The following DISC1 variants were observed in gnomAD, a reference collection of about 807,000 sequenced individuals.
The protein encoded by DISC1 is disrupted in schizophrenia 1 protein.
In DISC1, 57 loss-of-function variants were observed where a neutral mutation model predicts 84.5. That is an observed-to-expected ratio of 0.67 (90% confidence interval 0.55 to 0.84). The LOEUF is 0.84. DISC1 is among the 40% of genes least tolerant of loss of function. The pLI, the probability that DISC1 is intolerant of heterozygous loss-of-function variation, is 0.00. For synonymous variants in DISC1, 411 were observed against 415.2 expected, an observed-to-expected ratio of 0.99 and a Z score of 0.12; for missense variants, 1,000 against 1,057.8, an observed-to-expected ratio of 0.95 and a Z score of 0.76.
At chr1:231,714,242 T>G (rs562457806) in intron 3 of DISC1, among the ~76,000 whole-genome samples, 1 of 152,094 alleles carries the variant, frequency 6.6e-6, no homozygotes, top group African/African-American at 2.4e-5. Context: ...TTGAAACATG[T>G]AAATAGAGTT....
chr1:231,716,009 T>A lies in DISC1; in HGVS notation c.1117+13985T>A, dbSNP rs572659805. ...GGCTTGTTCCTGGATAAACTAGGCATAATAATACCTATCCTGCTGTGTGGG... is the reference window on the plus strand; with the variant it reads ...GGCTTGTTCCTGGATAAACTAGGCAAAATAATACCTATCCTGCTGTGTGGG... On this transcript the variant is annotated intron_variant, in intron 3 of 12. Transcript: ENST00000439617. 8.5e-5 allele frequency among the ~76,000 whole-genome samples: 13 copies of A among 152,286 alleles called. No individual in the cohort carries two copies. The South Asian group carries it at 2.7e-3, about 32-fold the overall frequency.
intron 1 of DISC1, among the ~76,000 whole-genome samples, chr1:231,632,527 T>A (rs1181773155): frequency 2.6e-5 from 4 of 152,188 alleles, no homozygotes; most frequent in Non-Finnish European, 1.5e-5. Context: ...AAATCATATA[T>A]TTATTGTACA....
chr1:231,723,972 T>G, intron 3 of DISC1: 1 of 985,462 alleles, frequency 1.0e-6, no homozygotes, highest in Non-Finnish European at 1.2e-6. Context: ...GGAAGGAAAC[T>G]CACCATGACC....
At chr1:231,900,946 G>C (rs1055751048) in intron 9 of DISC1, among the ~76,000 whole-genome samples, 2 of 152,130 alleles carry the variant, frequency 1.3e-5, no homozygotes, top group African/African-American at 4.8e-5. Context: ...CACCTTTCTA[G>C]TCTGCCATGG....
chr1:231,772,282 C>T (rs1036075467), intron 6 of DISC1, among the ~76,000 whole-genome samples: 1 of 152,146 alleles, frequency 6.6e-6, no homozygotes, highest in African/African-American at 2.4e-5. Context: ...AGCTCATACT[C>T]TCATTTCTGA....
intron 8 of DISC1, among the ~76,000 whole-genome samples, chr1:231,802,782 A>T: frequency 1.3e-5 from 2 of 150,646 alleles, no homozygotes; most frequent in South Asian, 2.1e-4. Context: ...ATTATTAGGG[A>T]CTCTTTTTTA....
intron 10 of DISC1, among the ~76,000 whole-genome samples, chr1:231,970,432 G>T (rs889878362): frequency 1.3e-5 from 2 of 152,180 alleles, no homozygotes; most frequent in African/African-American, 2.4e-5. Context: ...GGCATGGACA[G>T]AAAAGAAGAA....
At chr1:231,950,728 C>T (rs1658214911) in intron 9 of DISC1, among the ~76,000 whole-genome samples, 1 of 152,208 alleles carries the variant, frequency 6.6e-6, no homozygotes, top group Non-Finnish European at 1.5e-5. Flanking sequence ...ACCCAATTAA[C>T]TAGTGACAGG....
At chr1:231,785,073 A>G (rs908446955) in intron 6 of DISC1, among the ~76,000 whole-genome samples, 1 of 152,052 alleles carries the variant, frequency 6.6e-6, no homozygotes, top group Non-Finnish European at 1.5e-5. Context: ...GTGAGGATAG[A>G]AGGGTCTAAG....
At chr1:231,669,720 ATAAC>A (rs1335983959) in intron 1 of DISC1, among the ~76,000 whole-genome samples, 1 of 152,132 alleles carries the variant, frequency 6.6e-6, no homozygotes, top group African/African-American at 2.4e-5. Context: ...AAGTAAAAGA[ATAAC>A]AGATACTGGC....
chr1:231,632,886 C>A (rs1300129573), intron 1 of DISC1, among the ~76,000 whole-genome samples: 1 of 152,178 alleles, frequency 6.6e-6, no homozygotes, highest in Non-Finnish European at 1.5e-5. Context: ...TCCTGGCCAA[C>A]ATGGCAGAAA....
At chr1:231,641,745 A>G (rs995003217) in intron 1 of DISC1, among the ~76,000 whole-genome samples, 3 of 152,196 alleles carry the variant, frequency 2.0e-5, no homozygotes, top group Admixed American at 2.0e-4. Flanking sequence ...TCCCCACCAG[A>G]TTAGCTAGAT....
chr1:231,696,213 G>A (rs2065680556), intron 2 of DISC1, among the ~76,000 whole-genome samples: 1 of 152,196 alleles, frequency 6.6e-6, no homozygotes, highest in African/African-American at 2.4e-5. Context: ...CATGGCCGCT[G>A]CCCTGGCTCA....
chr1:231,732,622 G>A (rs1427346589), intron 3 of DISC1, among the ~76,000 whole-genome samples: 1 of 152,172 alleles, frequency 6.6e-6, no homozygotes, highest in African/African-American at 2.4e-5. Context: ...TCATTGTGTG[G>A]CTGAGTGGCA....
Position 231,694,317 on chromosome 1 carries a change from T to G in DISC1, c.559T>G (p.Cys187Gly), listed in dbSNP as rs761815665. 8.7e-6 allele frequency: 14 copies of G among 1,614,270 alleles called. No individual in the cohort carries two copies. Among genetic ancestry groups the G allele is most frequent in the Non-Finnish European group, 1.2e-5 (14 of 1,180,046 alleles). The change falls in exon 2 of 13, where the codon TGC (cysteine) becomes GGC (glycine). Residue 187 changes from cysteine to glycine, a missense_variant. Around this residue, in one of 3 missense-constraint regions of DISC1, gnomAD observed 292 missense variants for 280.2 expected, o/e 1.04. Transcript: ENST00000439617. ...ATCAGCAGAGTTGAGTAGCAACAGCTGCAGCCCTGGCTGTGGCCCTGAGGT... is the reference window on the plus strand; with the variant it reads ...ATCAGCAGAGTTGAGTAGCAACAGCGGCAGCCCTGGCTGTGGCCCTGAGGT... ...LPSAELSSNS[C>G]SPGCGPEVPP...
Position 231,694,469 on chromosome 1 carries a change from C to G in DISC1, c.711C>G (p.Ser237=). The G allele has an allele frequency of 1.2e-6, 2 of 1,614,288 alleles. No individual in the cohort carries two copies. The highest frequency in any genetic ancestry group is 1.7e-6 in the Non-Finnish European group (2 of 1,180,056). Reference sequence around the variant, plus strand: ...GCCCACCATCCAGAGAGGCTGAGTCCCATTGCCAGAGCCCCCAGGAGATGG... The same window carrying G: ...GCCCACCATCCAGAGAGGCTGAGTCGCATTGCCAGAGCCCCCAGGAGATGG... ...EGCPPSREAE[S]HCQSPQEMGA... Residue 237 remains serine (S), a synonymous_variant, in exon 2 of 13, where the codon TCC becomes TCG. Coordinates refer to ENST00000439617, the MANE Select transcript of DISC1 (RefSeq NM_018662.3).
chr1:231,979,880 A>G (rs186263550), intron 10 of DISC1, among the ~76,000 whole-genome samples: 2 of 152,282 alleles, frequency 1.3e-5, no homozygotes, highest in Admixed American at 6.5e-5. Flanking sequence ...GCAGAGTTTT[A>G]AAACCACTGT....
intron 9 of DISC1, among the ~76,000 whole-genome samples, chr1:231,937,812 G>T (rs1295214828): frequency 1.3e-5 from 2 of 152,020 alleles, no homozygotes; most frequent in Non-Finnish European, 2.9e-5. Flanking sequence ...ATGCATGTAT[G>T]TTTGCGTGTG....
At position 231,770,737 on chromosome 1, in the gene DISC1, G is replaced by A. The variant is rs180752086; in HGVS notation, c.1399-98G>A. 2.8e-4 allele frequency: 426 copies of A among 1,546,916 alleles called. 1 individual carries two copies. Among genetic ancestry groups the A allele is most frequent in the Non-Finnish European group, 3.5e-4 (397 of 1,143,766 alleles). On this transcript the variant is annotated intron_variant, in intron 5 of 12. Transcript: ENST00000439617. ...AGAAGGGGAGTTTTGTAGTTCTGGT[G>A]CATATGGCCAATTCTCATTTAAACG...
Sources: allele counts gnomAD v4.1 joint callset (sites outside exome capture counted in the v4.1 genomes callset), GRCh38; gene constraint gnomAD v4.1.1; regional missense constraint gnomAD v4.1.1; transcripts MANE v1.5; gene names NCBI Gene and HGNC (gene_info 2026-07-23, HGNC 2026-07-21).